The following SASH1 variants were observed in gnomAD, a reference collection of about 807,000 sequenced individuals.
SASH1 encodes SAM and SH3 domain-containing protein 1.
In SASH1, 44 loss-of-function variants were observed where a neutral mutation model predicts 125.2. The ratio of observed to expected loss-of-function variants is 0.35; its 90% CI spans 0.28 to 0.45. The LOEUF (loss-of-function observed/expected upper bound fraction) is 0.45, where lower values mean the gene tolerates loss of function less well. Among genes scored for constraint, SASH1 ranks in the 20% least tolerant of loss-of-function variants. SASH1 has a pLI of 1.00. For missense variants in SASH1, 1,426 were observed against 1,614.5 expected, an observed-to-expected ratio of 0.88 and a Z score of 2.00; for synonymous variants, 639 against 649.1, an observed-to-expected ratio of 0.98 and a Z score of 0.24.
chr6:148,404,775 C>T (rs1432299867), intron 2 of SASH1, among the ~76,000 whole-genome samples: 1 of 122,340 alleles, frequency 8.2e-6, no homozygotes, highest in Non-Finnish European at 1.7e-5. Context: ...CAGCCTCGCC[C>T]TCATCCCAGT....
At chr6:148,525,534 C>A (rs1781094206) in intron 11 of SASH1, among the ~76,000 whole-genome samples, 169 bp downstream of exon 11, 1 of 152,186 alleles carries the variant, frequency 6.6e-6, no homozygotes, top group African/African-American at 2.4e-5. Context: ...CTCCACTGTT[C>A]CACGTGGAAT....
At chr6:148,330,649 G>C (rs924769380) in intron 1 of SASH1, among the ~76,000 whole-genome samples, 2 of 152,028 alleles carry the variant, frequency 1.3e-5, no homozygotes, top group African/African-American at 2.4e-5. Context: ...GCAATGGCAC[G>C]ATCTCTGCTC....
intron 1 of SASH1, chr6:148,278,914 T>G (rs1562302722): frequency 6.6e-6 from 1 of 152,112 alleles, no homozygotes; most frequent in African/African-American, 2.4e-5. Context: ...TATAGAACAC[T>G]AAAATGAAAC....
At chr6:148,476,330 A>C (rs1778344357) in intron 7 of SASH1, among the ~76,000 whole-genome samples, 1 of 152,066 alleles carries the variant, frequency 6.6e-6, no homozygotes. Flanking sequence ...AGAAGAATCA[A>C]TATCATTAAA....
intron 4 of SASH1, among the ~76,000 whole-genome samples, chr6:148,449,074 A>ATTTTT (rs1562419990): frequency 3.1e-5 from 1 of 32,744 alleles, no homozygotes; most frequent in African/African-American, 1.3e-4. Context: ...ATTTCATTTC[A>ATTTTT]TTTCTTTTTT....
At chr6:148,290,592 TGAGA>T (rs1253544074) in intron 1 of SASH1, among the ~76,000 whole-genome samples, 1 of 151,512 alleles carries the variant, frequency 6.6e-6, no homozygotes, top group Non-Finnish European at 1.5e-5. Context: ...GGTGACAGAG[TGAGA>T]TTCCGTCTCA....
chr6:148,366,514 G>A (rs551768905), intron 1 of SASH1, among the ~76,000 whole-genome samples: 38 of 152,312 alleles, frequency 2.5e-4, no homozygotes, highest in Non-Finnish European at 5.0e-4. Flanking sequence ...TCTGGATCCT[G>A]AGTATAAGCT....
At chr6:148,441,955 CTG>C (rs1285261472) in intron 4 of SASH1, among the ~76,000 whole-genome samples, 1 of 152,204 alleles carries the variant, frequency 6.6e-6, no homozygotes, top group Non-Finnish European at 1.5e-5. Context: ...CATTTTGCCT[CTG>C]TAATTTTAAG....
the SASH1 span, among the ~76,000 whole-genome samples, chr6:148,253,008 C>T: frequency 3.9e-5 from 6 of 152,272 alleles, no homozygotes; most frequent in East Asian, 1.9e-4. Flanking sequence ...GGGGCAGCCT[C>T]GGCACACGTG....
chr6:148,546,057 G>A lies in SASH1; in HGVS notation c.3391G>A (p.Ala1131Thr), dbSNP rs769902677. Residue 1131 changes from alanine (A) to threonine (T), a missense_variant, in exon 19 of 20, where the codon GCA becomes ACA. Physicochemically the swap from Ala to Thr is moderately conservative, Grantham distance 58 (BLOSUM62 0). Around this residue, in one of 3 missense-constraint regions of SASH1, gnomAD observed 634 missense variants for 694.4 expected, o/e 0.91. Transcript: ENST00000367467. Reference sequence around the variant, plus strand: ...TCCTGAAGCCCTGGTGCAGAGATACGCAGAGGACTTGGATCAGCCCGAGCG... The same window carrying A: ...TCCTGAAGCCCTGGTGCAGAGATACACAGAGGACTTGGATCAGCCCGAGCG... ...GIPEALVQRY[A>T]EDLDQPERDV... 9 of 1,614,100 alleles carry A rather than the reference G, an allele frequency of 5.6e-6. No homozygotes were observed. The highest frequency in any genetic ancestry group is 2.7e-5 in the African/African-American group (2 of 74,952).
the SASH1 span, among the ~76,000 whole-genome samples, chr6:148,252,418 C>T: frequency 2.0e-5 from 3 of 151,844 alleles, no homozygotes; most frequent in African/African-American, 7.3e-5. Context: ...TACATCATGG[C>T]TATACTGACA....
chr6:148,317,936 C>T (rs890267046), intron 1 of SASH1, among the ~76,000 whole-genome samples: 2 of 152,156 alleles, frequency 1.3e-5, no homozygotes, highest in Non-Finnish European at 2.9e-5. Context: ...TTTTCTGAAA[C>T]TGTTGAGAAA....
rs561231959 is a variant in SASH1, at chr6:148,533,465, C to T, written c.1735-306C>T. 2.0e-5 allele frequency among the ~76,000 whole-genome samples: 3 copies of T among 152,230 alleles called. No homozygotes were observed. The highest frequency in any genetic ancestry group is 1.9e-4 in the East Asian group (1 of 5,164). On this transcript the variant is annotated intron_variant, in intron 14 of 19. Coordinates refer to ENST00000367467, the MANE Select transcript of SASH1 (RefSeq NM_015278.5). The surrounding 1 kb of genome is among the most constrained non-coding windows in gnomAD (Gnocchi z 6.2). Reference sequence around the variant, plus strand: ...TGAGGAGGGAAGGCGTTCAGAGTGCCGGGCGGGCAGCCTGGCTGAGAGCAC... The same window carrying T: ...TGAGGAGGGAAGGCGTTCAGAGTGCTGGGCGGGCAGCCTGGCTGAGAGCAC...
At chr6:148,494,590 G>T (rs1779239633) in intron 8 of SASH1, among the ~76,000 whole-genome samples, 1 of 152,072 alleles carries the variant, frequency 6.6e-6, no homozygotes, top group Non-Finnish European at 1.5e-5. Context: ...TCACGCCACT[G>T]CTCTCCAGCC....
At chr6:148,503,281 T>C (rs1779635596) in intron 8 of SASH1, among the ~76,000 whole-genome samples, 1 of 151,872 alleles carries the variant, frequency 6.6e-6, no homozygotes, top group Non-Finnish European at 1.5e-5. Context: ...CACACCCTTT[T>C]ACCCGTCAAT....
Position 148,540,484 on chromosome 6 carries a change from G to A in SASH1, c.2137G>A (p.Asp713Asn). ...AGGATCCCAGGAGAAGCTGCTCGTT[G>A]ACAGCCAGGGCCTGAGTGGATGCTC... Reference protein sequence around the residue: ...QSGSQEKLLVDSQGLSGCSPR... With the variant: ...QSGSQEKLLVNSQGLSGCSPR... Residue 713 changes from aspartate (D) to asparagine (N), a missense_variant, in exon 17 of 20, where the codon GAC becomes AAC. Asp to Asn is a conservative substitution (Grantham distance 23). Coordinates refer to ENST00000367467, the MANE Select transcript of SASH1 (RefSeq NM_015278.5). The A allele has an allele frequency of 6.2e-7, 1 of 1,614,072 alleles. No homozygotes were observed. Among genetic ancestry groups the A allele is most frequent in the Admixed American group, 1.7e-5 (1 of 60,014 alleles).
intron 1 of SASH1, among the ~76,000 whole-genome samples, chr6:148,295,926 C>T (rs192876271): frequency 6.6e-6 from 1 of 152,310 alleles, no homozygotes; most frequent in Admixed American, 6.5e-5. Flanking sequence ...ATCCTTTGCC[C>T]TAGTCCAATT....
rs147814888 is a variant in SASH1 at position 148,328,825 on chromosome 6, A to G, written n.74+56448A>G. ...ACATTATTACAGAAGAAAATATTTC[A>G]TACAAGCATTTTACTATTTTTGTTG... On this transcript the variant is annotated intron_variant and non_coding_transcript_variant, in intron 1 of 3. Transcript: ENST00000367469. 9.2e-5 allele frequency among the ~76,000 whole-genome samples: 14 copies of G among 152,310 alleles called. No homozygotes were observed. In the East Asian group the frequency reaches 2.5e-3, roughly 27 times the overall value.
At chr6:148,406,827 T>C (rs1784396451) in intron 2 of SASH1, among the ~76,000 whole-genome samples, 3 of 143,640 alleles carry the variant, frequency 2.1e-5, no homozygotes, top group Non-Finnish European at 4.5e-5. Context: ...ACAGAGAGGA[T>C]CAGGCGCTCC....
Sources: allele counts gnomAD v4.1 joint callset (sites outside exome capture counted in the v4.1 genomes callset), GRCh38; gene constraint gnomAD v4.1.1; regional missense constraint gnomAD v4.1.1; non-coding constraint Gnocchi (gnomAD v3.1); transcripts MANE v1.5; gene names NCBI Gene and HGNC (gene_info 2026-07-23, HGNC 2026-07-21).